Variants in FRMPD4 observed in about 807,000 individuals in gnomAD.
FRMPD4 encodes the protein FERM and PDZ domain containing 4.
A neutral mutation model predicts 94.1 loss-of-function variants in FRMPD4; 22 were observed. The ratio of observed to expected loss-of-function variants is 0.23; its 90% CI spans 0.17 to 0.33. FRMPD4 has a LOEUF of 0.33. Ranked by LOEUF, FRMPD4 falls within the 10% of genes least tolerant of loss-of-function variation. The pLI, the probability that FRMPD4 is intolerant of heterozygous loss-of-function variation, is 1.00. For synonymous variants in FRMPD4, 631 were observed against 548.6 expected (o/e 1.15, Z -2.10); for missense variants, 1,111 against 1,339.9 (o/e 0.83, Z 2.67).
At chrX:11,982,435 T>C (rs887543277) in intron 3 of FRMPD4, among the ~76,000 whole-genome samples, 26 of 111,449 alleles carry the variant, frequency 2.3e-4, no homozygotes, top group African/African-American at 3.9e-4. Context: ...AACTCCTACA[T>C]TGTATGATTG....
intron 9 of FRMPD4, 143 bp from the exon 10 acceptor site, chrX:12,701,731 C>T: frequency 3.7e-6 from 2 of 539,339 alleles, no homozygotes; most frequent in Non-Finnish European, 6.0e-6. Flanking sequence ...CCAAGCAGCA[C>T]GGTGGAGATG....
At position 12,267,024 on chromosome X, in the gene FRMPD4, A is replaced by G. The variant is rs773485229; in HGVS notation, c.41+128012A>G. ...CATTAGCCTACAATTGGTCAAAATCATATCCAAAAATGCTGGCAACACAGC... is the reference window on the plus strand; with the variant it reads ...CATTAGCCTACAATTGGTCAAAATCGTATCCAAAAATGCTGGCAACACAGC... On this transcript the variant is annotated intron_variant, in intron 1 of 16. Coordinates refer to ENST00000675598, the MANE Select transcript of FRMPD4 (RefSeq NM_001368397.1). 1.1e-4 allele frequency among the ~76,000 whole-genome samples: 12 copies of G among 112,495 alleles called. No homozygotes were observed. The East Asian group carries it at 3.3e-3, about 31-fold the overall frequency.
intron 1 of FRMPD4, among the ~76,000 whole-genome samples, chrX:12,456,710 G>A (rs990675423): frequency 1.8e-5 from 2 of 113,021 alleles, no homozygotes; most frequent in African/African-American, 6.4e-5. Context: ...TTGGACATTT[G>A]CTGCTGTAAT....
chrX:12,303,679 A>C (rs910182502), intron 1 of FRMPD4, among the ~76,000 whole-genome samples: 1 of 111,674 alleles, frequency 9.0e-6, no homozygotes, highest in South Asian at 3.8e-4. Context: ...TACTTGGGTG[A>C]ATAGAAATAA....
At chrX:11,927,670 G>A (rs2054097001) in intron 3 of FRMPD4, among the ~76,000 whole-genome samples, 1 of 112,328 alleles carries the variant, frequency 8.9e-6, no homozygotes, top group Non-Finnish European at 1.9e-5. Flanking sequence ...ATTCAATTAT[G>A]ATGCTAGGAT....
In FRMPD4 at chrX:12,425,548, A is replaced by G. The variant is rs140960999; in HGVS notation, c.42-73132A>G. 1.3e-4 allele frequency among the ~76,000 whole-genome samples: 15 copies of G among 111,899 alleles called. No individual in the cohort carries two copies. The East Asian group carries it at 3.9e-3, about 29-fold the overall frequency. On this transcript the variant is annotated intron_variant, in intron 1 of 16. Transcript: ENST00000675598. ...TAAGATAACAGCTGGTATATTTCTT[A>G]TGTCTCATGCATTGGTTCTCAACCG... is the stretch of plus-strand genomic sequence containing the variant.
At chrX:12,511,991 T>C (rs1185524429) in intron 2 of FRMPD4, among the ~76,000 whole-genome samples, 1 of 111,819 alleles carries the variant, frequency 8.9e-6, no homozygotes, top group Non-Finnish European at 1.9e-5. Context: ...CAAAGAATAC[T>C]GTATCCAGAA....
chrX:12,069,041 A>G (rs1376708883), intron 3 of FRMPD4, among the ~76,000 whole-genome samples: 1 of 111,939 alleles, frequency 8.9e-6, no homozygotes, highest in Non-Finnish European at 1.9e-5. Context: ...GAAGAGTGTT[A>G]GGTTGAGGTT....
chrX:12,526,778 G>A (rs114670341), intron 2 of FRMPD4, among the ~76,000 whole-genome samples: 6,131 of 111,967 alleles, frequency 0.055, 425 homozygotes, highest in African/African-American at 0.18. Context: ...GTTATCATAT[G>A]AGAAAATAGT....
chrX:11,835,314 G>C (rs979208496), intron 1 of FRMPD4, among the ~76,000 whole-genome samples: 1 of 111,976 alleles, frequency 8.9e-6, no homozygotes, highest in Non-Finnish European at 1.9e-5. Context: ...GCCTGTTACT[G>C]TCATATTGTT....
At chrX:12,692,852 G>A (rs182249075) in intron 8 of FRMPD4, among the ~76,000 whole-genome samples, 12 of 112,229 alleles carry the variant, frequency 1.1e-4, no homozygotes, top group South Asian at 3.7e-4. Context: ...TCATGAAGTC[G>A]CTGTGAAACA....
At chrX:12,004,180 C>A (rs2054950695) in intron 3 of FRMPD4, among the ~76,000 whole-genome samples, 1 of 111,826 alleles carries the variant, frequency 8.9e-6, no homozygotes, top group African/African-American at 3.3e-5. Flanking sequence ...TGCTCTAAAC[C>A]AGAGCTCCAT....
At chrX:12,069,735 A>G (rs2054950443) in intron 3 of FRMPD4, among the ~76,000 whole-genome samples, 1 of 111,767 alleles carries the variant, frequency 8.9e-6, no homozygotes, top group Non-Finnish European at 1.9e-5. Context: ...AGAGAGATTC[A>G]CCCATGAGGG....
intron 1 of FRMPD4, among the ~76,000 whole-genome samples, chrX:12,152,241 T>C (rs1338963554): frequency 1.8e-5 from 2 of 112,056 alleles, no homozygotes; most frequent in African/African-American, 3.2e-5. Flanking sequence ...TTTTACCATA[T>C]AATGGGCAAA....
At chrX:12,649,563 G>A in intron 4 of FRMPD4, among the ~76,000 whole-genome samples, 1 of 111,584 alleles carries the variant, frequency 9.0e-6, no homozygotes, top group Non-Finnish European at 1.9e-5. Context: ...TCTGGTAAAT[G>A]AGAAGATATG....
intron 3 of FRMPD4, among the ~76,000 whole-genome samples, chrX:12,057,199 C>G (rs1009419142): frequency 1.8e-5 from 2 of 111,581 alleles, no homozygotes; most frequent in African/African-American, 6.5e-5. Flanking sequence ...TGAACAGAGC[C>G]TAATTTCGTC....
At chrX:12,317,806 T>G (rs1283346416) in intron 1 of FRMPD4, among the ~76,000 whole-genome samples, 1 of 111,217 alleles carries the variant, frequency 9.0e-6, no homozygotes, top group Non-Finnish European at 1.9e-5. Context: ...AGACGGAAAA[T>G]AACAAATGCT....
At chrX:11,897,290 G>C (rs1369973628) in intron 3 of FRMPD4, among the ~76,000 whole-genome samples, 8 of 111,434 alleles carry the variant, frequency 7.2e-5, no homozygotes, top group Admixed American at 1.9e-4. Flanking sequence ...TCAAATTAGT[G>C]GTTGCCTGCT....
chrX:12,495,018 G>A, intron 1 of FRMPD4: 9 of 736,837 alleles, frequency 1.2e-5, no homozygotes, highest in Non-Finnish European at 1.3e-5. Flanking sequence ...CCTTGCCTGA[G>A]CCCGGTGGAA....
Sources: gnomAD v4.1 joint callset for allele counts (sites outside exome capture counted in the v4.1 genomes callset) on GRCh38, gnomAD v4.1.1 for gene constraint, MANE v1.5 for transcripts, NCBI Gene and HGNC (gene_info 2026-07-23, HGNC 2026-07-21) for gene names.